The following IL7 variants were observed in gnomAD, a reference collection of about 807,000 sequenced individuals.
The protein encoded by IL7 is interleukin-7.
In IL7, 3 loss-of-function variants were observed where a neutral mutation model predicts 21.6. The observed-to-expected ratio is 0.14, with a 90% CI of 0.06 to 0.36. The LOEUF (loss-of-function observed/expected upper bound fraction) is 0.36. Ranked by LOEUF, IL7 falls within the 10% of genes least tolerant of loss-of-function variation. IL7 has a pLI of 1.00. For synonymous variants in IL7, 62 were observed against 68.1 expected (o/e 0.91, Z 0.44); for missense variants, 175 against 200.2 (o/e 0.87, Z 0.76).
intron 1 of IL7, among the ~76,000 whole-genome samples, chr8:78,803,428 G>A (rs565284736): frequency 1.3e-5 from 2 of 152,240 alleles, no homozygotes; most frequent in South Asian, 2.1e-4. Flanking sequence ...AAAGACAAAG[G>A]GTAAAGAGTA....
chr8:78,777,624 T>C (rs1218086573), intron 2 of IL7, among the ~76,000 whole-genome samples: 2 of 152,052 alleles, frequency 1.3e-5, no homozygotes, highest in Non-Finnish European at 2.9e-5. Flanking sequence ...TTTCATGTAA[T>C]AAAAATTACT....
chr8:78,797,794 C>T (rs1813910833), intron 2 of IL7: 1 of 244,188 alleles, frequency 4.1e-6, no homozygotes, highest in Non-Finnish European at 7.9e-6. Flanking sequence ...GAAATTTAGG[C>T]AGTGATACTG....
chr8:78,739,520 C>G (rs1175389612), intron 3 of IL7, among the ~76,000 whole-genome samples: 1 of 151,924 alleles, frequency 6.6e-6, no homozygotes, highest in African/African-American at 2.4e-5. Flanking sequence ...GGTGAAACCC[C>G]GTCTCCACTA....
intron 3 of IL7, among the ~76,000 whole-genome samples, chr8:78,692,628 G>C (rs918338638): frequency 6.6e-6 from 1 of 152,072 alleles, no homozygotes; most frequent in Admixed American, 6.6e-5. Context: ...GTACAGTGTA[G>C]GTTTTCCAGT....
intron 3 of IL7, among the ~76,000 whole-genome samples, chr8:78,727,496 C>T (rs1266886130): frequency 6.6e-6 from 1 of 151,922 alleles, no homozygotes; most frequent in Non-Finnish European, 1.5e-5. Context: ...ATTTCAATAA[C>T]AAGTATTTGT....
Position 78,805,177 on chromosome 8 carries a change from G to A in IL7, c.-255C>T, listed in dbSNP as rs991797304. 28 of 441,612 alleles carry A rather than the reference G, an allele frequency of 6.3e-5. No individual in the cohort carries two copies. Among genetic ancestry groups the A allele is most frequent in the Middle Eastern group, 5.7e-4 (1 of 1,746 alleles). The allele number at this position is 441,612 out of a possible 1,614,324, so 27.4% of individuals were successfully genotyped here. ...AACTTCCGTAGGATCCGCCAGCAGT[G>A]TACTTTCAGTTTCTACTTTGCGCTT... On this transcript the variant is annotated 5_prime_UTR_variant, in exon 1 of 6. Transcript: ENST00000263851.
intron 3 of IL7, among the ~76,000 whole-genome samples, chr8:78,727,409 T>A (rs1811356974): frequency 6.6e-6 from 1 of 152,000 alleles, no homozygotes; most frequent in Non-Finnish European, 1.5e-5. Context: ...TTCACATGAT[T>A]AAAGAACATG....
At chr8:78,695,634 T>G (rs557535451) in intron 3 of IL7, among the ~76,000 whole-genome samples, 1 of 152,306 alleles carries the variant, frequency 6.6e-6, no homozygotes, top group African/African-American at 2.4e-5. Flanking sequence ...TTAAGTCTTT[T>G]CTAATGTCTG....
chr8:78,724,855 A>G (rs1811312649), intron 3 of IL7, among the ~76,000 whole-genome samples: 2 of 151,914 alleles, frequency 1.3e-5, no homozygotes, highest in African/African-American at 2.4e-5. Context: ...CCCGAAAGCT[A>G]TTTTCAAGGA....
chr8:78,693,937 A>C (rs1239365226), intron 3 of IL7, among the ~76,000 whole-genome samples: 1 of 152,184 alleles, frequency 6.6e-6, no homozygotes, highest in Non-Finnish European at 1.5e-5. Flanking sequence ...ATCCAGTTTC[A>C]GCTTTCTACA....
At chr8:78,802,788 G>A (rs1046934453) in intron 1 of IL7, among the ~76,000 whole-genome samples, 2 of 152,058 alleles carry the variant, frequency 1.3e-5, no homozygotes, top group African/African-American at 4.8e-5. Flanking sequence ...CTGTCACATT[G>A]AAGAGTCTAG....
At chr8:78,685,623 A>G (rs547994322) in intron 4 of IL7, among the ~76,000 whole-genome samples, 1 of 152,366 alleles carries the variant, frequency 6.6e-6, no homozygotes, top group Non-Finnish European at 1.5e-5. Context: ...TAAATAGTCC[A>G]CAGTAAAGAC....
At chr8:78,732,649 A>G, downstream of IL7, 1 of 152,262 alleles carries the variant, frequency 6.6e-6, no homozygotes, top group Middle Eastern at 3.4e-3. Context: ...TCTCATATTC[A>G]TTGTTGGTAA....
chr8:78,702,854 T>C (rs1332146741), intron 3 of IL7, among the ~76,000 whole-genome samples: 2 of 152,202 alleles, frequency 1.3e-5, no homozygotes, highest in Admixed American at 6.5e-5. Context: ...TCTTTTGCTT[T>C]TACTGAGGAT....
rs1812676689 is a variant in IL7 at position 78,764,271 on chromosome 8, T to C, written c.148-24189A>G. ...AATAAGAAATTTGTAGGTTTCCTGA[T>C]AATAAAAAAAAAGCTATCTCCCTTC... is the stretch of plus-strand genomic sequence containing the variant. On this transcript the variant is annotated intron_variant, in intron 2 of 5. Transcript: ENST00000263851. Among the ~76,000 whole-genome samples, 3 of 151,810 alleles carry C rather than the reference T, an allele frequency of 2.0e-5. No individual in the cohort carries two copies. The Admixed American group carries it at 2.0e-4, about 10-fold the overall frequency.
At chr8:78,677,974 G>A (rs1809636929) in intron 4 of IL7, among the ~76,000 whole-genome samples, 1 of 152,240 alleles carries the variant, frequency 6.6e-6, no homozygotes, top group Non-Finnish European at 1.5e-5. Context: ...ACCATATAGG[G>A]TAACTTCCTG....
chr8:78,759,050 C>T (rs1812450952), intron 2 of IL7, among the ~76,000 whole-genome samples: 1 of 142,132 alleles, frequency 7.0e-6, no homozygotes, highest in African/African-American at 2.9e-5. Context: ...CTCTTTTATT[C>T]TTTTATTCCC....
At chr8:78,766,370 A>G (rs145704681) in intron 2 of IL7, among the ~76,000 whole-genome samples, 36 of 152,108 alleles carry the variant, frequency 2.4e-4, no homozygotes, top group African/African-American at 7.2e-4. Flanking sequence ...TAATAAATGT[A>G]CCACTGTGAT....
In IL7 at chr8:78,683,534, C is replaced by T. The variant is rs182386389; in HGVS notation, n.273+2355G>A. Among the ~76,000 whole-genome samples the T allele has an allele frequency of 2.9e-3, 445 of 152,280 alleles. 3 individuals carry two copies. The highest frequency in any genetic ancestry group is 9.3e-3 in the African/African-American group (387 of 41,556). ...TGGGACGCAGGGCACCAAATCCCTA[C>T]GCTGCACACAGTAGGGGGGCCCTGG... On this transcript the variant is annotated intron_variant and non_coding_transcript_variant, in intron 4 of 4. Coordinates refer to the IL7 transcript ENST00000523959.
Sources: allele counts gnomAD v4.1 joint callset (sites outside exome capture counted in the v4.1 genomes callset), GRCh38; gene constraint gnomAD v4.1.1; transcripts MANE v1.5; gene names NCBI Gene and HGNC (gene_info 2026-07-23, HGNC 2026-07-21).